The following TAOK3 variants were observed in gnomAD, a reference collection of about 807,000 sequenced individuals.
TAOK3 encodes the protein serine/threonine-protein kinase TAO3.
TAOK3 carries 40 observed loss-of-function variants against 120.4 expected under a neutral mutation model. That is an observed-to-expected ratio of 0.33 (90% confidence interval 0.26 to 0.43). The LOEUF (loss-of-function observed/expected upper bound fraction) is 0.43. TAOK3 is among the 20% of genes least tolerant of loss of function. The pLI, the probability that TAOK3 is intolerant of heterozygous loss-of-function variation, is 1.00. For synonymous variants in TAOK3, 355 were observed against 387.5 expected (o/e 0.92, Z 0.99); for missense variants, 821 against 1,112.1 (o/e 0.74, Z 3.72).
chr12:118,170,590 C>T (rs1039745965), intron 17 of TAOK3, among the ~76,000 whole-genome samples: 5 of 152,066 alleles, frequency 3.3e-5, no homozygotes, highest in Non-Finnish European at 5.9e-5. Context: ...GGTAAAACCC[C>T]CACCTCTACT....
At chr12:118,320,486 C>T (rs2043658030) in intron 1 of TAOK3, among the ~76,000 whole-genome samples, 1 of 151,964 alleles carries the variant, frequency 6.6e-6, no homozygotes, top group Non-Finnish European at 1.5e-5. Flanking sequence ...ATCAACACAT[C>T]TCTGGGTAAT....
At chr12:118,327,521 T>A (rs997601091) in intron 1 of TAOK3, among the ~76,000 whole-genome samples, 1 of 152,222 alleles carries the variant, frequency 6.6e-6, no homozygotes, top group Non-Finnish European at 1.5e-5. Context: ...ATAAATGCTA[T>A]GTGTAAGCTA....
At position 118,152,227 on chromosome 12, in the gene TAOK3, C is replaced by T; in HGVS notation, c.2535G>A (p.Lys845=). ...VSLRRAHLEQ[K]IEEELAALQK... ...CGGACCCCTGGTAATGCTCCCTTAC[C>T]TTCTGCTCAAGGTGTGCTCTGCGCA... The change falls in exon 20 of 21, where the codon AAG becomes AAA. Residue 845 remains lysine, a splice_region_variant and synonymous_variant. Coordinates refer to ENST00000392533, the MANE Select transcript of TAOK3 (RefSeq NM_016281.4). 6.2e-7 allele frequency: 1 copy of T among 1,612,196 alleles called. No individual in the cohort carries two copies. Among genetic ancestry groups the T allele is most frequent in the Non-Finnish European group, 8.5e-7 (1 of 1,178,448 alleles).
At chr12:118,172,927 C>T (rs1210980563) in intron 16 of TAOK3, among the ~76,000 whole-genome samples, 1 of 152,134 alleles carries the variant, frequency 6.6e-6, no homozygotes, top group East Asian at 1.9e-4. Flanking sequence ...ACTTAACAAG[C>T]TCCTATCATG....
rs1046833919 is a variant in TAOK3 at position 118,172,748 on chromosome 12, A to G, written c.1696-88T>C. On this transcript the variant is annotated intron_variant, in intron 16 of 20. Coordinates refer to ENST00000392533, the MANE Select transcript of TAOK3 (RefSeq NM_016281.4). Reference sequence around the variant, plus strand: ...TGCAACTGAAGATTAAGTTATTTGGAAAGCCAATGCAGATGTAAGCACAGA... The same window carrying G: ...TGCAACTGAAGATTAAGTTATTTGGGAAGCCAATGCAGATGTAAGCACAGA... 4 of 1,211,328 alleles carry G rather than the reference A, an allele frequency of 3.3e-6. No individual in the cohort carries two copies. The Admixed American group carries it at 5.3e-5, about 16-fold the overall frequency. The allele number at this position is 1,211,328 out of a possible 1,614,324, so 75.0% of individuals were successfully genotyped here. A position where few individuals can be genotyped will look rare whatever the true frequency, so the allele number is the denominator to read the frequency against.
At chr12:118,318,727 G>A (rs2043577849) in intron 1 of TAOK3, among the ~76,000 whole-genome samples, 1 of 152,128 alleles carries the variant, frequency 6.6e-6, no homozygotes. Flanking sequence ...TCCCACTAAT[G>A]ATACACATCC....
rs1251475087 is a variant in TAOK3, at chr12:118,266,751, T to C, written c.-185A>G. 1 of 397,586 alleles carries C rather than the reference T, an allele frequency of 2.5e-6. No homozygotes were observed. Among genetic ancestry groups the C allele is most frequent in the Non-Finnish European group, 4.4e-6 (1 of 225,478 alleles). 24.6% of individuals were successfully genotyped at this position (397,586 alleles called of 1,614,324 possible). ...TTATAACTTCAGTCCTTTGTATTTA[T>C]GATGCAACCTATAGAAAAAGAAGAA... On this transcript the variant is annotated 5_prime_UTR_variant, in exon 2 of 21. Coordinates refer to ENST00000392533, the MANE Select transcript of TAOK3 (RefSeq NM_016281.4).
chr12:118,203,650 G>A (rs2038142346), intron 11 of TAOK3, among the ~76,000 whole-genome samples: 1 of 149,508 alleles, frequency 6.7e-6, no homozygotes, highest in Non-Finnish European at 1.5e-5. Context: ...GTTACGGTAA[G>A]CTGAGATCAC....
rs189580280 is a variant in TAOK3 at position 118,270,626 on chromosome 12, A to G, written c.-193-3867T>C. Among the ~76,000 whole-genome samples, 17 of 151,398 alleles carry G rather than the reference A, an allele frequency of 1.1e-4. No homozygotes were observed. In the East Asian group the frequency reaches 3.3e-3, roughly 29 times the overall value. ...TGTCTAAGTTGTGTCCTCTGCTTAT[A>G]AGGCCCAAATCTCAGCTATTCTTAC... On this transcript the variant is annotated intron_variant, in intron 1 of 20. Coordinates refer to ENST00000392533, the MANE Select transcript of TAOK3 (RefSeq NM_016281.4).
intron 2 of TAOK3, among the ~76,000 whole-genome samples, chr12:118,256,583 G>T (rs2040997219): frequency 6.6e-6 from 1 of 152,138 alleles, no homozygotes; most frequent in South Asian, 2.1e-4. Flanking sequence ...CAGTAAAAAG[G>T]AATGAAGTAT....
intron 1 of TAOK3, among the ~76,000 whole-genome samples, chr12:118,324,734 C>CT (rs35462737): frequency 0.041 from 2,886 of 69,680 alleles, 540 homozygotes; most frequent in Non-Finnish European, 0.059. Context: ...GAATTTCATT[C>CT]TTTTTTTTTT....
chr12:118,312,540 A>G (rs2043301689), intron 1 of TAOK3, among the ~76,000 whole-genome samples: 4 of 152,224 alleles, frequency 2.6e-5, no homozygotes. Flanking sequence ...ATTACTTATT[A>G]AAGGCTTATT....
chr12:118,337,269 T>A (rs180726664), intron 1 of TAOK3, among the ~76,000 whole-genome samples: 157 of 152,268 alleles, frequency 1.0e-3, no homozygotes, highest in African/African-American at 3.7e-3. Context: ...CAAATGCTGG[T>A]GAGGATATGG....
intron 1 of TAOK3, among the ~76,000 whole-genome samples, chr12:118,366,974 C>G (rs771258347): frequency 1.3e-5 from 2 of 152,070 alleles, no homozygotes; most frequent in Non-Finnish European, 2.9e-5. Flanking sequence ...CCTGTAATCC[C>G]AGCTATGAGA....
intron 1 of TAOK3, among the ~76,000 whole-genome samples, chr12:118,347,154 T>G (rs968510602): frequency 3.9e-5 from 6 of 152,068 alleles, no homozygotes; most frequent in African/African-American, 1.4e-4. Flanking sequence ...CAGACACGTG[T>G]CACCACACCC....
chr12:118,173,006 C>G (rs2036100739), intron 16 of TAOK3, among the ~76,000 whole-genome samples: 1 of 152,092 alleles, frequency 6.6e-6, no homozygotes, highest in South Asian at 2.1e-4. Context: ...CACCGTGTGT[C>G]TTTATTATAG....
At chr12:118,221,818 T>G (rs1368194900) in intron 9 of TAOK3, among the ~76,000 whole-genome samples, 1 of 151,440 alleles carries the variant, frequency 6.6e-6, no homozygotes, top group East Asian at 2.0e-4. Context: ...GTATTTTTAG[T>G]AGAGATGGGG....
intron 1 of TAOK3, among the ~76,000 whole-genome samples, chr12:118,285,503 C>T (rs570840467): frequency 8.5e-5 from 13 of 152,242 alleles, no homozygotes; most frequent in African/African-American, 2.9e-4. Context: ...CAGGCGCCTG[C>T]CATCACACCC....
intron 4 of TAOK3, among the ~76,000 whole-genome samples, chr12:118,244,502 A>G (rs909296512): frequency 1.1e-4 from 16 of 151,882 alleles, no homozygotes; most frequent in Middle Eastern, 3.4e-3. Context: ...AAAAAAGTTT[A>G]AAGAATTTTG....
Sources: allele counts gnomAD v4.1 joint callset (sites outside exome capture counted in the v4.1 genomes callset), GRCh38; gene constraint gnomAD v4.1.1; transcripts MANE v1.5; gene names NCBI Gene and HGNC (gene_info 2026-07-23, HGNC 2026-07-21).